Variants in SNX29 observed in about 807,000 individuals in gnomAD.
The protein encoded by SNX29 is sorting nexin 29.
Under a neutral mutation model 102.1 loss-of-function variants are expected in SNX29, and 78 were observed. The observed-to-expected ratio is 0.76, with a 90% CI of 0.64 to 0.92. The LOEUF (loss-of-function observed/expected upper bound fraction) is 0.92. Among genes scored for constraint, SNX29 ranks in the 40% least tolerant of loss-of-function variants. The pLI is 0.00. For missense variants in SNX29, 1,280 were observed against 1,061.7 expected, an observed-to-expected ratio of 1.21 and a Z score of -2.86; for synonymous variants, 580 against 414.5, an observed-to-expected ratio of 1.40 and a Z score of -4.85.
intron 1 of SNX29, among the ~76,000 whole-genome samples, chr16:11,986,374 T>TAAAA (rs33924503): frequency 2.3e-5 from 3 of 131,088 alleles, no homozygotes; most frequent in Non-Finnish European, 1.6e-5. Context: ...TCCTACAACT[T>TAAAA]AAAAAAAAAA....
At chr16:12,161,611 G>T (rs80213422) in intron 13 of SNX29, among the ~76,000 whole-genome samples, 2,725 of 152,266 alleles carry the variant, frequency 0.018, 81 homozygotes, top group African/African-American at 0.062. Flanking sequence ...CCTAATGTCA[G>T]AGGTGGTGTC....
chr16:12,153,839 G>A (rs1447192145), intron 13 of SNX29, among the ~76,000 whole-genome samples: 1 of 152,086 alleles, frequency 6.6e-6, no homozygotes, highest in African/African-American at 2.4e-5. Context: ...GTTTTATGTA[G>A]CAAGCCGGTG....
chr16:12,385,406 G>A (rs1428331141), intron 16 of SNX29, among the ~76,000 whole-genome samples: 1 of 152,152 alleles, frequency 6.6e-6, no homozygotes, highest in African/African-American at 2.4e-5. Flanking sequence ...TCAAAGAGTT[G>A]GAATTTTTTT....
chr16:12,227,621 C>G (rs915602672), intron 14 of SNX29, among the ~76,000 whole-genome samples: 1 of 151,902 alleles, frequency 6.6e-6, no homozygotes, highest in African/African-American at 2.4e-5. Flanking sequence ...TCTCTGAGGC[C>G]GGGCGCGGTG....
intron 3 of SNX29, among the ~76,000 whole-genome samples, chr16:12,012,724 C>G (rs982483384): frequency 6.6e-6 from 1 of 152,022 alleles, no homozygotes; most frequent in South Asian, 2.1e-4. Context: ...ATTTCTTAAA[C>G]TTAGGCCATT....
chr16:12,228,978 TG>T (rs1334671346), intron 14 of SNX29, among the ~76,000 whole-genome samples: 2 of 152,338 alleles, frequency 1.3e-5, no homozygotes, highest in East Asian at 3.9e-4. Context: ...GTGTCTAGAA[TG>T]CGCTTTTCTC....
intron 11 of SNX29, among the ~76,000 whole-genome samples, chr16:12,117,350 C>T (rs912323600): frequency 7.9e-5 from 11 of 138,700 alleles, no homozygotes; most frequent in Non-Finnish European, 1.5e-4. Context: ...TGGAAACAGG[C>T]GTGGTCAATA....
chr16:12,175,106 G>A (rs2076231298), intron 13 of SNX29, among the ~76,000 whole-genome samples: 1 of 152,116 alleles, frequency 6.6e-6, no homozygotes, highest in African/African-American at 2.4e-5. Flanking sequence ...TGTTTTTAGG[G>A]TTTATGTTCA....
chr16:12,279,006 C>T (rs1398078653), intron 15 of SNX29, among the ~76,000 whole-genome samples: 1 of 151,902 alleles, frequency 6.6e-6, no homozygotes, highest in Non-Finnish European at 1.5e-5. Flanking sequence ...TTTCAAAAAC[C>T]ATTGATTTAT....
At chr16:11,985,130 T>G (rs1198159681) in intron 1 of SNX29, among the ~76,000 whole-genome samples, 2 of 151,952 alleles carry the variant, frequency 1.3e-5, no homozygotes, top group Non-Finnish European at 2.9e-5. Context: ...TTAAACTCAG[T>G]TGAATTGATT....
At chr16:12,256,644 G>A (rs2078582793) in intron 14 of SNX29, among the ~76,000 whole-genome samples, 1 of 152,078 alleles carries the variant, frequency 6.6e-6, no homozygotes, top group Non-Finnish European at 1.5e-5. Context: ...AATTTTTTTT[G>A]AAGAGAGACA....
intron 20 of SNX29, 24 bp downstream of exon 20, chr16:12,524,865 G>A (rs2076735640): frequency 6.2e-7 from 1 of 1,601,374 alleles, no homozygotes; most frequent in Non-Finnish European, 8.5e-7. Context: ...CCACGGACAT[G>A]GGCCGCCAGC....
At chr16:12,305,780 C>G (rs2080319357) in intron 15 of SNX29, among the ~76,000 whole-genome samples, 1 of 152,066 alleles carries the variant, frequency 6.6e-6, no homozygotes, top group African/African-American at 2.4e-5. Flanking sequence ...ATTCTCTGGG[C>G]TTTGAATACA....
intron 19 of SNX29, among the ~76,000 whole-genome samples, chr16:12,508,587 T>C (rs1216485572): frequency 6.6e-6 from 1 of 152,232 alleles, no homozygotes; most frequent in Non-Finnish European, 1.5e-5. Context: ...CAGACAGAGC[T>C]GGCCCTGCGA....
chr16:12,017,686 C>G (rs1314680821), intron 3 of SNX29, among the ~76,000 whole-genome samples: 1 of 152,018 alleles, frequency 6.6e-6, no homozygotes, highest in Non-Finnish European at 1.5e-5. Context: ...TTTCTTTGAT[C>G]TTGACCCATC....
At chr16:12,459,843 C>A (rs2086702833) in intron 18 of SNX29, among the ~76,000 whole-genome samples, 1 of 152,160 alleles carries the variant, frequency 6.6e-6, no homozygotes, top group South Asian at 2.1e-4. Context: ...AGTAATACCC[C>A]ATTTCCCCAA....
chr16:12,056,312 A>G (rs1596717493), intron 8 of SNX29, among the ~76,000 whole-genome samples: 1 of 152,318 alleles, frequency 6.6e-6, no homozygotes, highest in South Asian at 2.1e-4. Flanking sequence ...TGCCCAACAC[A>G]GTGCAGGGTG....
At chr16:12,073,565 G>A (rs2051402620) in intron 10 of SNX29, among the ~76,000 whole-genome samples, 1 of 152,134 alleles carries the variant, frequency 6.6e-6, no homozygotes, top group Admixed American at 6.5e-5. Flanking sequence ...TTTTACATTT[G>A]CTGAGGAGAG....
intron 15 of SNX29, among the ~76,000 whole-genome samples, chr16:12,329,471 C>T (rs1249574988): frequency 6.6e-6 from 1 of 152,092 alleles, no homozygotes; most frequent in African/African-American, 2.4e-5. Flanking sequence ...GTGCCTGGCA[C>T]ATAAACCGCA....
Sources: gnomAD v4.1 joint callset for allele counts (sites outside exome capture counted in the v4.1 genomes callset) on GRCh38, gnomAD v4.1.1 for gene constraint, MANE v1.5 for transcripts, NCBI Gene and HGNC (gene_info 2026-07-23, HGNC 2026-07-21) for gene names.